The following PCDHA11 variants were observed in gnomAD, a reference collection of about 807,000 sequenced individuals.
PCDHA11 encodes the protein protocadherin alpha-11.
A neutral mutation model predicts 70.3 loss-of-function variants in PCDHA11; 61 were observed. The observed-to-expected ratio is 0.87, with a 90% CI of 0.71 to 1.07. The LOEUF (loss-of-function observed/expected upper bound fraction) is 1.07, where lower values mean the gene tolerates loss of function less well. Among genes scored for constraint, PCDHA11 ranks in the 50% least tolerant of loss-of-function variants. PCDHA11 has a pLI of 0.00. For missense variants in PCDHA11, 1,324 were observed against 1,237.5 expected, an observed-to-expected ratio of 1.07 and a Z score of -1.05; for synonymous variants, 633 against 555.1, an observed-to-expected ratio of 1.14 and a Z score of -1.97.
intron 1 of PCDHA11, among the ~76,000 whole-genome samples, chr5:140,943,423 T>C (rs782562871): frequency 5.3e-5 from 8 of 152,080 alleles, no homozygotes; most frequent in Non-Finnish European, 7.4e-5. Context: ...GGCAAGGGCT[T>C]TAATATGATA....
intron 1 of PCDHA11, chr5:140,967,045 C>T: frequency 6.2e-7 from 1 of 1,612,250 alleles, no homozygotes. Flanking sequence ...TGGAGCTGGA[C>T]CTGACGAGTG....
intron 3 of PCDHA11, 79 bp downstream of exon 3, chr5:140,982,642 G>T: frequency 6.5e-7 from 1 of 1,529,982 alleles, no homozygotes; most frequent in Non-Finnish European, 8.8e-7. Flanking sequence ...GATCAGGAAT[G>T]TTGATGGCTC....
chr5:140,974,146 A>G (rs1208366709), intron 1 of PCDHA11, among the ~76,000 whole-genome samples: 1 of 152,260 alleles, frequency 6.6e-6, no homozygotes, highest in Non-Finnish European at 1.5e-5. Context: ...TGAAAACTAT[A>G]CAAGGGTTTT....
intron 1 of PCDHA11, chr5:140,876,262 C>A (rs1554168436): frequency 6.2e-7 from 1 of 1,614,012 alleles, no homozygotes. Context: ...AGTGATCCAA[C>A]TAAATGCTTC....
At chr5:140,901,474 T>C (rs2068694853) in intron 1 of PCDHA11, among the ~76,000 whole-genome samples, 1 of 152,216 alleles carries the variant, frequency 6.6e-6, no homozygotes, top group Admixed American at 6.5e-5. Context: ...CTCGAGTTTA[T>C]GTTCTTGGCA....
In PCDHA11 at chr5:140,876,565, G is replaced by C. The variant is rs371696514; in HGVS notation, c.2391+5071G>C. 63 of 1,614,064 alleles carry C rather than the reference G, an allele frequency of 3.9e-5. No homozygotes were observed. In the Middle Eastern group the frequency reaches 4.9e-4, roughly 13 times the overall value. On this transcript the variant is annotated intron_variant, in intron 1 of 3. Transcript: ENST00000398640. ...GCTCCCTGTGCAAGAGGATGCTCAG[G>C]TGGGTACCGTCATTGCCCTGATTAG...
chr5:140,988,387 T>G (rs1337322360), intron 3 of PCDHA11, among the ~76,000 whole-genome samples: 1 of 152,202 alleles, frequency 6.6e-6, no homozygotes, highest in Non-Finnish European at 1.5e-5. Flanking sequence ...CTCATTGTGT[T>G]TGCCAGAGTT....
chr5:140,917,378 A>G (rs532934226), intron 1 of PCDHA11, among the ~76,000 whole-genome samples: 4 of 150,894 alleles, frequency 2.7e-5, no homozygotes, highest in South Asian at 2.1e-4. Context: ...CTCCACCTCA[A>G]TAGTCTGATG....
At chr5:140,938,876 AAC>A (rs142461507) in intron 1 of PCDHA11, among the ~76,000 whole-genome samples, 10 of 151,120 alleles carry the variant, frequency 6.6e-5, no homozygotes, top group Non-Finnish European at 1.3e-4. Flanking sequence ...GTTAAGAAGC[AAC>A]ACACACACAC....
chr5:140,998,017 C>T (rs555584429), intron 3 of PCDHA11, among the ~76,000 whole-genome samples: 67 of 152,292 alleles, frequency 4.4e-4, no homozygotes, highest in African/African-American at 1.4e-3. Context: ...ATCCCCACCT[C>T]GAGCTAGTGC....
At position 140,870,130 on chromosome 5, in the gene PCDHA11, A is replaced by T. The variant is rs781855370; in HGVS notation, c.1027A>T (p.Asn343Tyr). ...CTVWVEILDT[N>Y]DNSPEVAVTS... ...AGTCTGGGTGGAAATCTTGGACACCAACGATAACTCTCCTGAAGTCGCCGT... is the reference window on the plus strand; with the variant it reads ...AGTCTGGGTGGAAATCTTGGACACCTACGATAACTCTCCTGAAGTCGCCGT... The change falls in exon 1 of 4, where the codon AAC becomes TAC. Residue 343 changes from asparagine (N) to tyrosine (Y), a missense_variant. Transcript: ENST00000398640. 2 of 1,613,866 alleles carry T rather than the reference A, an allele frequency of 1.2e-6. No individual in the cohort carries two copies. Among genetic ancestry groups the T allele is most frequent in the East Asian group, 4.5e-5 (2 of 44,894 alleles).
At chr5:140,897,656 C>T (rs2153457504) in intron 1 of PCDHA11, among the ~76,000 whole-genome samples, 1 of 152,200 alleles carries the variant, frequency 6.6e-6, no homozygotes, top group Non-Finnish European at 1.5e-5. Flanking sequence ...CATACGTGTG[C>T]ATGTGTCTTT....
chr5:140,982,678 C>T (rs781968397), intron 3 of PCDHA11, 115 bp downstream of exon 3: 29 of 1,438,778 alleles, frequency 2.0e-5, no homozygotes, highest in Non-Finnish European at 2.6e-5. Context: ...TTTGTTATTC[C>T]CTTTTTTCCA....
At chr5:140,917,324 C>CGG (rs1299895515) in intron 1 of PCDHA11, among the ~76,000 whole-genome samples, 73 of 76,040 alleles carry the variant, frequency 9.6e-4, no homozygotes, top group South Asian at 2.7e-3. Flanking sequence ...GTTCATGTGG[C>CGG]GGGGGAGGGG....
chr5:140,928,643 T>C (rs2085399261), intron 1 of PCDHA11: 7 of 1,614,222 alleles, frequency 4.3e-6, no homozygotes, highest in Non-Finnish European at 5.9e-6. Context: ...ACAAAAGTGG[T>C]AGCAGAGGAT....
At position 140,869,126 on chromosome 5, in the gene PCDHA11, G is replaced by A; in HGVS notation, c.23G>A (p.Gly8Glu). MFGFQRR[G>E]LGTPRLQLWL... The stretch of plus-strand genomic sequence containing the variant: ...GCGATGTTTGGTTTTCAGAGAAGGG[G>A]ATTGGGCACCCCACGACTACAGCTC... The change falls in exon 1 of 4, where the codon GGA becomes GAA. Residue 8 changes from glycine to glutamate, a missense_variant. Physicochemically the swap from Gly to Glu is moderately conservative, Grantham distance 98. Coordinates refer to ENST00000398640, the MANE Select transcript of PCDHA11 (RefSeq NM_018902.5). 4 of 1,611,734 alleles carry A rather than the reference G, an allele frequency of 2.5e-6. No homozygotes were observed. The highest frequency in any genetic ancestry group is 3.4e-6 in the Non-Finnish European group (4 of 1,178,498).
intron 1 of PCDHA11, among the ~76,000 whole-genome samples, chr5:140,896,285 G>T (rs1392495241): frequency 1.3e-5 from 2 of 152,202 alleles, no homozygotes; most frequent in African/African-American, 2.4e-5. Context: ...GGCTTGAATG[G>T]TAAGTTCTTT....
At chr5:140,883,635 C>G (rs997170789) in intron 1 of PCDHA11, 13 of 1,613,058 alleles carry the variant, frequency 8.1e-6, no homozygotes, top group Non-Finnish European at 1.1e-5. Context: ...CCGGCGTTCG[C>G]GCAGCCCGAG....
At chr5:141,009,166 T>C (rs949376056) in intron 3 of PCDHA11, among the ~76,000 whole-genome samples, 98 of 152,230 alleles carry the variant, frequency 6.4e-4, no homozygotes, top group African/African-American at 2.2e-3. Context: ...CTGTAAATAC[T>C]GGCCTTGGCT....
Sources: allele counts gnomAD v4.1 joint callset (sites outside exome capture counted in the v4.1 genomes callset), GRCh38; gene constraint gnomAD v4.1.1; transcripts MANE v1.5; gene names NCBI Gene and HGNC (gene_info 2026-07-23, HGNC 2026-07-21).